Variants in MPRIP observed in about 807,000 individuals in gnomAD.
The protein encoded by MPRIP is myosin phosphatase Rho interacting protein, also known as myosin phosphatase Rho-interacting protein.
In MPRIP, 59 loss-of-function variants were observed where a neutral mutation model predicts 234.9. The observed-to-expected ratio is 0.25, with a 90% CI of 0.20 to 0.31. The LOEUF is 0.31. Ranked by LOEUF, MPRIP falls within the 10% of genes least tolerant of loss-of-function variation. The probability of loss-of-function intolerance (pLI) is 1.00; values close to 1 mark genes in which losing one functional copy is unlikely to be tolerated. For missense variants in MPRIP, 2,436 were observed against 3,071.0 expected, an observed-to-expected ratio of 0.79 and a Z score of 4.89; for synonymous variants, 1,144 against 1,263.9, an observed-to-expected ratio of 0.91 and a Z score of 2.01.
chr17:17,109,299 A>G (rs368878575), intron 3 of MPRIP, among the ~76,000 whole-genome samples: 6 of 152,354 alleles, frequency 3.9e-5, no homozygotes, highest in African/African-American at 1.4e-4. Flanking sequence ...AGTAGAGTGG[A>G]GTCTGCAAGC....
rs1346849015 is a variant in MPRIP, at chr17:17,164,994, C to T, written c.3403C>T (p.Leu1135=). ...DEDVAELREK[L]RRREADNQSL... ...GGATGTGGCTGAGCTCCGGGAAAAGCTGAGGAGAAGAGAGGCTGACAACCA... is the reference window on the plus strand; with the variant it reads ...GGATGTGGCTGAGCTCCGGGAAAAGTTGAGGAGAAGAGAGGCTGACAACCA... Residue 1135 remains leucine, a synonymous_variant, in exon 16 of 24, where the codon CTG becomes TTG. Transcript: ENST00000651222. 3.8e-6 allele frequency: 5 copies of T among 1,302,160 alleles called. No homozygotes were observed. In the African/African-American group the frequency reaches 7.6e-5, roughly 20 times the overall value. 80.7% of individuals were successfully genotyped at this position (1,302,160 alleles called of 1,614,324 possible).
At chr17:17,092,671 C>G (rs1659131757) in intron 3 of MPRIP, among the ~76,000 whole-genome samples, 1 of 152,204 alleles carries the variant, frequency 6.6e-6, no homozygotes, top group Admixed American at 6.5e-5. Context: ...AATGCAAGCC[C>G]TGTCCTTTCC....
At chr17:17,058,607 T>TG (rs1485104615) in intron 1 of MPRIP, among the ~76,000 whole-genome samples, 1 of 152,028 alleles carries the variant, frequency 6.6e-6, no homozygotes, top group East Asian at 1.9e-4. Context: ...AAACAGGTGT[T>TG]GCCTCTGTCA....
chr17:17,148,158 G>T (rs2045519111), intron 11 of MPRIP, among the ~76,000 whole-genome samples: 1 of 152,218 alleles, frequency 6.6e-6, no homozygotes, highest in Non-Finnish European at 1.5e-5. Flanking sequence ...AGAAAAGGTG[G>T]TAGTGATAAG....
chr17:17,173,577 C>CAGAT (rs2144676102), intron 18 of MPRIP, among the ~76,000 whole-genome samples: 1 of 152,284 alleles, frequency 6.6e-6, no homozygotes, highest in South Asian at 2.1e-4. Flanking sequence ...CTGTCAGACA[C>CAGAT]AGATGGCTTC....
intron 14 of MPRIP, among the ~76,000 whole-genome samples, chr17:17,159,993 A>T (rs2045826985): frequency 6.6e-6 from 1 of 152,242 alleles, no homozygotes; most frequent in Non-Finnish European, 1.5e-5. Flanking sequence ...TGAAACTCAC[A>T]TTACTTCAGG....
intron 15 of MPRIP, among the ~76,000 whole-genome samples, chr17:17,161,596 A>T (rs1344400565): frequency 1.3e-5 from 2 of 152,154 alleles, no homozygotes; most frequent in Non-Finnish European, 2.9e-5. Flanking sequence ...ATATCTAAGG[A>T]CTTTTTTTGG....
rs375197775 is a variant in MPRIP, at chr17:17,056,600, T to C, written c.123+13629T>C. On this transcript the variant is annotated intron_variant, in intron 1 of 23. Transcript: ENST00000651222. ...TGATGGGGTGAACTGTGTGTGTGGT[T>C]CCTTGGTTTTGAGGGGTTTTTTTTT... Among the ~76,000 whole-genome samples, 29 of 150,608 alleles carry C rather than the reference T, an allele frequency of 1.9e-4. 1 individual carries two copies. In the South Asian group the frequency reaches 6.0e-3, roughly 31 times the overall value.
chr17:17,054,663 CTTTT>C (rs201129229), intron 1 of MPRIP, among the ~76,000 whole-genome samples: 1 of 146,622 alleles, frequency 6.8e-6, no homozygotes, highest in African/African-American at 2.5e-5. Context: ...TGCAGGAATT[CTTTT>C]TTTTTTTTCC....
chr17:17,166,017 C>T lies in MPRIP; in HGVS notation c.4426C>T (p.Leu1476=). The T allele has an allele frequency of 1.5e-6, 2 of 1,304,154 alleles. No individual in the cohort carries two copies. Among genetic ancestry groups the T allele is most frequent in the South Asian group, 1.2e-5 (1 of 80,966 alleles). 80.8% of individuals were successfully genotyped at this position (1,304,154 alleles called of 1,614,324 possible). ...CTTCCAGGTCAAGAATAGTCAGGCC[C>T]TGATGTGCCTGGAAAATTGCCGAGA... The part of the protein sequence containing the change: ...GDFQVKNSQA[L]MCLENCREQL... Residue 1476 remains leucine (L), a synonymous_variant, in exon 16 of 24, where the codon CTG becomes TTG. Coordinates refer to ENST00000651222, the MANE Select transcript of MPRIP (RefSeq NM_001364716.4). The surrounding 1 kb of genome is among the most constrained non-coding windows in gnomAD (Gnocchi z 4.4).
At chr17:17,052,650 T>C (rs1044612598) in intron 1 of MPRIP, among the ~76,000 whole-genome samples, 1 of 152,198 alleles carries the variant, frequency 6.6e-6, no homozygotes, top group East Asian at 1.9e-4. Context: ...TTCTTGAGTG[T>C]GTGGTGGGGC....
intron 16 of MPRIP, 156 bp downstream of exon 16, chr17:17,168,071 C>T (rs887369323): frequency 1.2e-5 from 7 of 568,716 alleles, no homozygotes; most frequent in African/African-American, 4.0e-5. Flanking sequence ...GGGCCTGGGC[C>T]GCAGGCTTAG....
At chr17:17,072,915 C>CT (rs999298195) in intron 1 of MPRIP, among the ~76,000 whole-genome samples, 2 of 151,950 alleles carry the variant, frequency 1.3e-5, no homozygotes, top group African/African-American at 4.8e-5. Flanking sequence ...ACCTTCAGGG[C>CT]TTTTTTTTAA....
At chr17:17,071,965 C>T (rs2089205161) in intron 1 of MPRIP, among the ~76,000 whole-genome samples, 1 of 152,188 alleles carries the variant, frequency 6.6e-6, no homozygotes, top group Non-Finnish European at 1.5e-5. Flanking sequence ...TAAGCCTACC[C>T]ACGCAGCATT....
chr17:17,079,288 C>T (rs755913316), intron 3 of MPRIP, among the ~76,000 whole-genome samples: 36 of 152,154 alleles, frequency 2.4e-4, no homozygotes, highest in Non-Finnish European at 3.8e-4. Flanking sequence ...TCATTCTTTC[C>T]GGTGAGCATA....
chr17:17,056,931 T>A (rs2088717318), intron 1 of MPRIP, among the ~76,000 whole-genome samples: 1 of 152,254 alleles, frequency 6.6e-6, no homozygotes, highest in African/African-American at 2.4e-5. Context: ...TCAAGGTTCA[T>A]CCACCTTGCA....
chr17:17,085,437 C>T (rs1391114226), intron 3 of MPRIP, among the ~76,000 whole-genome samples: 4 of 152,228 alleles, frequency 2.6e-5, no homozygotes, highest in African/African-American at 9.6e-5. Flanking sequence ...CGCATTCCCG[C>T]GGGGTCCCTA....
chr17:17,084,176 G>A (rs894517508), intron 3 of MPRIP, among the ~76,000 whole-genome samples: 6 of 152,154 alleles, frequency 3.9e-5, no homozygotes, highest in Admixed American at 6.5e-5. Flanking sequence ...TGCTGTGTCC[G>A]TAACAGAGCG....
At chr17:17,152,273 G>C (rs918906166) in intron 12 of MPRIP, among the ~76,000 whole-genome samples, 7 of 152,252 alleles carry the variant, frequency 4.6e-5, no homozygotes, top group Admixed American at 6.5e-5. Flanking sequence ...GGGTAGGCGG[G>C]CATAGTGCCC....
Sources: gnomAD v4.1 joint callset for allele counts (sites outside exome capture counted in the v4.1 genomes callset) on GRCh38, gnomAD v4.1.1 for gene constraint, Gnocchi (gnomAD v3.1) non-coding constraint, MANE v1.5 for transcripts, NCBI Gene and HGNC (gene_info 2026-07-23, HGNC 2026-07-21) for gene names.